DENND1A: variants seen among roughly 807,000 people sequenced by gnomAD.
The protein encoded by DENND1A is DENN domain containing 1A.
A neutral mutation model predicts 113.7 loss-of-function variants in DENND1A; 51 were observed. That is an observed-to-expected ratio of 0.45 (90% CI 0.36 to 0.57). The LOEUF is 0.57. Among genes scored for constraint, DENND1A ranks in the 20% least tolerant of loss-of-function variants. The pLI is 0.00. For synonymous variants in DENND1A, 565 were observed against 570.8 expected (o/e 0.99, Z 0.14); for missense variants, 1,258 against 1,395.9 (o/e 0.90, Z 1.57).
chr9:123,711,525 A>ATATATATG (rs2066630550), intron 5 of DENND1A, among the ~76,000 whole-genome samples: 1 of 144,110 alleles, frequency 6.9e-6, no homozygotes, highest in African/African-American at 2.6e-5. Context: ...ATATATATAT[A>ATATATATG]TATATATATA....
intron 2 of DENND1A, among the ~76,000 whole-genome samples, chr9:123,846,157 C>T (rs1367739852): frequency 6.6e-6 from 1 of 152,144 alleles, no homozygotes; most frequent in Non-Finnish European, 1.5e-5. Context: ...ACTTCATCCC[C>T]ACTAGAATGG....
At chr9:123,414,330 G>A (rs910820990) in intron 19 of DENND1A, 3 of 1,411,104 alleles carry the variant, frequency 2.1e-6, no homozygotes, top group African/African-American at 1.4e-5. Flanking sequence ...CCATCAGCAG[G>A]TTTCCCTGCC....
intron 2 of DENND1A, among the ~76,000 whole-genome samples, chr9:123,830,509 TA>T (rs952415437): frequency 5.9e-5 from 9 of 151,858 alleles, no homozygotes; most frequent in Non-Finnish European, 1.0e-4. Context: ...AAAACTCAAT[TA>T]AAAAAACCTA....
chr9:123,436,168 C>A (rs988120867), intron 19 of DENND1A, among the ~76,000 whole-genome samples: 39 of 152,326 alleles, frequency 2.6e-4, no homozygotes, highest in African/African-American at 9.4e-4. Flanking sequence ...TGGCCAGGCA[C>A]CCTCTTGTTC....
chr9:123,512,894 T>C (rs574382514), intron 13 of DENND1A, among the ~76,000 whole-genome samples: 10 of 152,284 alleles, frequency 6.6e-5, no homozygotes, highest in African/African-American at 2.4e-4. Context: ...CTGTGAGGAT[T>C]AAATTAAATG....
intron 9 of DENND1A, among the ~76,000 whole-genome samples, chr9:123,639,610 T>A (rs2061917260): frequency 1.3e-5 from 2 of 151,426 alleles, no homozygotes; most frequent in African/African-American, 4.9e-5. Context: ...AAACCCCGTC[T>A]CTACTAAAAA....
At position 123,510,815 on chromosome 9, in the gene DENND1A, A is replaced by G. The variant is rs370818057; in HGVS notation, c.993+46755T>C. Reference sequence around the variant, plus strand: ...ATGCTTTACACTAAAATAAGAAAACATTCCTAAAAACAGGAGCATTTCAAA... The same window carrying G: ...ATGCTTTACACTAAAATAAGAAAACGTTCCTAAAAACAGGAGCATTTCAAA... On this transcript the variant is annotated intron_variant, in intron 13 of 23. Coordinates refer to ENST00000394215, the MANE Select transcript of DENND1A (RefSeq NM_001352964.2). Among the ~76,000 whole-genome samples, 8 of 152,350 alleles carry G rather than the reference A, an allele frequency of 5.3e-5. No individual in the cohort carries two copies. In the South Asian group the frequency reaches 8.3e-4, roughly 16 times the overall value.
rs145905337 is a variant in DENND1A at position 123,732,793 on chromosome 9, A to G, written c.302+24910T>C. On this transcript the variant is annotated intron_variant, in intron 5 of 23. Transcript: ENST00000394215. Reference sequence around the variant, plus strand: ...AGTTAGGAATAGAGGCTCTGGAATGAGAATCCTGCCAAGGTTTTGCTGTAT... The same window carrying G: ...AGTTAGGAATAGAGGCTCTGGAATGGGAATCCTGCCAAGGTTTTGCTGTAT... Among the ~76,000 whole-genome samples the G allele has an allele frequency of 3.1e-3, 474 of 152,338 alleles. 2 individuals carry two copies. Among genetic ancestry groups the G allele is most frequent in the African/African-American group, 0.011 (462 of 41,582 alleles).
chr9:123,721,155 G>C (rs2067306857), intron 5 of DENND1A, among the ~76,000 whole-genome samples: 1 of 152,124 alleles, frequency 6.6e-6, no homozygotes, highest in South Asian at 2.1e-4. Context: ...GAGCCAAAAT[G>C]ATTTTCTAAC....
At chr9:123,425,426 A>C (rs1205008461) in intron 19 of DENND1A, among the ~76,000 whole-genome samples, 1 of 152,266 alleles carries the variant, frequency 6.6e-6, no homozygotes, top group Non-Finnish European at 1.5e-5. Flanking sequence ...GTCTCTCACA[A>C]CCTGGCGCCG....
intron 13 of DENND1A, among the ~76,000 whole-genome samples, chr9:123,496,837 GC>G (rs962820792): frequency 3.7e-4 from 57 of 152,340 alleles, no homozygotes; most frequent in African/African-American, 1.4e-3. Context: ...CTTGGTGGGA[GC>G]TGTCTTCACG....
intron 13 of DENND1A, among the ~76,000 whole-genome samples, chr9:123,523,813 C>A (rs1031824915): frequency 6.6e-6 from 1 of 152,204 alleles, no homozygotes. Context: ...ATGCAGAAAG[C>A]ACCTCGGTCT....
chr9:123,625,313 C>A (rs1202590434), intron 10 of DENND1A, among the ~76,000 whole-genome samples: 1 of 152,212 alleles, frequency 6.6e-6, no homozygotes, highest in Non-Finnish European at 1.5e-5. Context: ...AGGAGATGGA[C>A]CAGTGTTCAA....
intron 5 of DENND1A, among the ~76,000 whole-genome samples, chr9:123,713,925 T>G (rs75304159): frequency 1.3e-5 from 2 of 152,142 alleles, no homozygotes; most frequent in African/African-American, 4.8e-5. Context: ...CCACTATACC[T>G]TTACATATGG....
At chr9:123,677,415 G>A (rs926824753) in intron 5 of DENND1A, among the ~76,000 whole-genome samples, 2 of 152,092 alleles carry the variant, frequency 1.3e-5, no homozygotes, top group Non-Finnish European at 2.9e-5. Context: ...GGTCCACTCT[G>A]TGTGGCTTGT....
intron 3 of DENND1A, among the ~76,000 whole-genome samples, chr9:123,775,690 G>C (rs1590038363): frequency 6.6e-6 from 1 of 152,138 alleles, no homozygotes; most frequent in East Asian, 1.9e-4. Context: ...CAAAGTCCTT[G>C]AATTTTTTAA....
At chr9:123,483,918 T>C (rs371880148) in intron 13 of DENND1A, among the ~76,000 whole-genome samples, 2 of 152,212 alleles carry the variant, frequency 1.3e-5, no homozygotes, top group African/African-American at 4.8e-5. Context: ...TTAGTTTTTT[T>C]TGTGTTTTTT....
chr9:123,806,449 G>A (rs2132340066), intron 2 of DENND1A, among the ~76,000 whole-genome samples: 1 of 152,108 alleles, frequency 6.6e-6, no homozygotes, highest in African/African-American at 2.4e-5. Flanking sequence ...TAGAGACGGG[G>A]TTTCACCACA....
At chr9:123,717,421 G>GA (rs1245696136) in intron 5 of DENND1A, among the ~76,000 whole-genome samples, 1 of 152,148 alleles carries the variant, frequency 6.6e-6, no homozygotes, top group Non-Finnish European at 1.5e-5. Context: ...TACAGATAAG[G>GA]AAAGAGAGAT....
Sources: allele counts gnomAD v4.1 joint callset (sites outside exome capture counted in the v4.1 genomes callset), GRCh38; gene constraint gnomAD v4.1.1; transcripts MANE v1.5; gene names NCBI Gene and HGNC (gene_info 2026-07-23, HGNC 2026-07-21).